GINS1: variants seen among roughly 807,000 people sequenced by gnomAD.
The protein encoded by GINS1 is GINS complex subunit 1, also known as DNA replication complex GINS protein PSF1.
GINS1 carries 26 observed loss-of-function variants against 34.9 expected under a neutral mutation model. The observed-to-expected ratio is 0.74, with a 90% CI of 0.55 to 1.03. The LOEUF is 1.03. Ranked by LOEUF, GINS1 falls within the 50% of genes least tolerant of loss-of-function variation. The pLI is 0.00. For missense variants in GINS1, 235 were observed against 237.9 expected (o/e 0.99, Z 0.08); for synonymous variants, 97 against 84.4 (o/e 1.15, Z -0.82).
At chr20:25,430,532 T>A (rs1490114215) in intron 5 of GINS1, among the ~76,000 whole-genome samples, 2 of 152,214 alleles carry the variant, frequency 1.3e-5, no homozygotes, top group African/African-American at 4.8e-5. Flanking sequence ...GATAATTTTT[T>A]TAATTTTTAT....
chr20:25,426,912 C>G (rs6050607), intron 5 of GINS1, among the ~76,000 whole-genome samples: 1 of 152,240 alleles, frequency 6.6e-6, no homozygotes, highest in Admixed American at 6.5e-5. Flanking sequence ...TCTATGGACA[C>G]TGGGTTGCTT....
At chr20:25,416,598 G>T (rs368868050) in intron 2 of GINS1, among the ~76,000 whole-genome samples, 69 of 151,956 alleles carry the variant, frequency 4.5e-4, no homozygotes, top group African/African-American at 1.6e-3. Flanking sequence ...AGTATAGTAC[G>T]TACACGTATT....
At chr20:25,435,686 A>C (rs920165326) in intron 5 of GINS1, among the ~76,000 whole-genome samples, 28 of 143,666 alleles carry the variant, frequency 1.9e-4, no homozygotes, top group Admixed American at 9.5e-4. Flanking sequence ...AATTGCTTGA[A>C]CCTGGGAGGC....
At chr20:25,418,722 C>T (rs927849623) in intron 4 of GINS1, among the ~76,000 whole-genome samples, 2 of 152,166 alleles carry the variant, frequency 1.3e-5, no homozygotes, top group Admixed American at 6.5e-5. Flanking sequence ...ACTTTTGACA[C>T]TAACTACCTG....
rs558828088 is a variant in GINS1, at chr20:25,438,346, A to T, written c.448-3356A>T. On this transcript the variant is annotated intron_variant, in intron 5 of 6. Coordinates refer to ENST00000262460, the MANE Select transcript of GINS1 (RefSeq NM_021067.5). ...CTTCCCAGAAAGGAAGGAAGGTGTC[A>T]AGGACTAAGCGGGGACTACTGGAAG... is the stretch of plus-strand genomic sequence containing the variant. Among the ~76,000 whole-genome samples, 90 of 152,136 alleles carry T rather than the reference A, an allele frequency of 5.9e-4. 2 individuals carry two copies. The South Asian group carries it at 0.018, about 31-fold the overall frequency.
chr20:25,440,726 G>A (rs1016827162), intron 5 of GINS1, among the ~76,000 whole-genome samples: 6 of 149,476 alleles, frequency 4.0e-5, no homozygotes, highest in Non-Finnish European at 7.4e-5. Context: ...CAGGAGAACC[G>A]CTTGAGCCTG....
At chr20:25,429,028 G>T (rs1371554560) in intron 5 of GINS1, among the ~76,000 whole-genome samples, 2 of 122,718 alleles carry the variant, frequency 1.6e-5, no homozygotes, top group South Asian at 2.8e-4. Context: ...TTGCTCTGTC[G>T]CCCAGGCTGG....
intron 5 of GINS1, among the ~76,000 whole-genome samples, chr20:25,428,589 A>G (rs1380638633): frequency 6.6e-6 from 1 of 151,354 alleles, no homozygotes; most frequent in African/African-American, 2.4e-5. Flanking sequence ...ATTTTTTAGT[A>G]GAGACGGGGT....
At chr20:25,408,449 C>T (rs1263190453) in intron 1 of GINS1, among the ~76,000 whole-genome samples, 2 of 152,200 alleles carry the variant, frequency 1.3e-5, no homozygotes, top group South Asian at 2.1e-4. Flanking sequence ...ATTAATATTA[C>T]TTTTCTCCTG....
intron 5 of GINS1, among the ~76,000 whole-genome samples, chr20:25,426,299 C>CA (rs2090390307): frequency 1.3e-5 from 2 of 151,974 alleles, no homozygotes; most frequent in African/African-American, 4.8e-5. Flanking sequence ...CACGGTGGCT[C>CA]ATGCTTGTAA....
intron 5 of GINS1, among the ~76,000 whole-genome samples, chr20:25,430,213 C>T (rs2090419290): frequency 6.6e-6 from 1 of 151,972 alleles, no homozygotes; most frequent in South Asian, 2.1e-4. Flanking sequence ...GCCTGGCCAG[C>T]TTTCAGTCTT....
intron 4 of GINS1, among the ~76,000 whole-genome samples, chr20:25,423,301 G>T (rs1278024532): frequency 6.6e-6 from 1 of 150,964 alleles, no homozygotes; most frequent in Non-Finnish European, 1.5e-5. Context: ...ATTAGTGGAG[G>T]TGGGGTTTCA....
intron 3 of GINS1, 30 bp from the exon 4 acceptor site, chr20:25,418,075 A>G: frequency 8.1e-7 from 1 of 1,227,208 alleles, no homozygotes; most frequent in Non-Finnish European, 1.2e-6. Context: ...GTTTATTCTT[A>G]TGCCACCCAA....
intron 2 of GINS1, among the ~76,000 whole-genome samples, chr20:25,414,760 A>G (rs979894580): frequency 1.9e-4 from 29 of 152,226 alleles, no homozygotes; most frequent in African/African-American, 5.8e-4. Context: ...CCCACTGTTT[A>G]TATTTTTATC....
chr20:25,439,302 C>G (rs1356985707), intron 5 of GINS1, among the ~76,000 whole-genome samples: 1 of 152,160 alleles, frequency 6.6e-6, no homozygotes, highest in African/African-American at 2.4e-5. Flanking sequence ...ACCTAACTTC[C>G]ATTTTATAGG....
At chr20:25,442,905 C>T (rs2090490589) in intron 6 of GINS1, 1 of 152,136 alleles carries the variant, frequency 6.6e-6, no homozygotes, top group African/African-American at 2.4e-5. Flanking sequence ...TGTGCCCGGC[C>T]ACTAAATTTT....
At chr20:25,445,153 C>T (rs1183055949) in intron 6 of GINS1, among the ~76,000 whole-genome samples, 1 of 152,080 alleles carries the variant, frequency 6.6e-6, no homozygotes, top group Non-Finnish European at 1.5e-5. Context: ...CCATACAGCT[C>T]TAAATGGAAT....
At chr20:25,426,724 C>T (rs1600931941) in intron 5 of GINS1, among the ~76,000 whole-genome samples, 1 of 151,914 alleles carries the variant, frequency 6.6e-6, no homozygotes, top group East Asian at 2.0e-4. Context: ...TGGGTTTCTC[C>T]ATGTTGGTCA....
intron 6 of GINS1, among the ~76,000 whole-genome samples, chr20:25,445,703 G>A (rs2090508396): frequency 6.6e-6 from 1 of 152,004 alleles, no homozygotes; most frequent in Non-Finnish European, 1.5e-5. Flanking sequence ...GGCTGGTCTT[G>A]AACCCCCGAC....
Sources: gnomAD v4.1 joint callset for allele counts (sites outside exome capture counted in the v4.1 genomes callset) on GRCh38, gnomAD v4.1.1 for gene constraint, MANE v1.5 for transcripts, NCBI Gene and HGNC (gene_info 2026-07-23, HGNC 2026-07-21) for gene names.